Variants in UTRN observed in about 807,000 individuals in gnomAD.
The protein encoded by UTRN is utrophin.
Under a neutral mutation model 463.9 loss-of-function variants are expected in UTRN, and 283 were observed. The observed-to-expected ratio is 0.61, with a 90% confidence interval of 0.55 to 0.67. UTRN has a LOEUF of 0.67. UTRN is among the 30% of genes least tolerant of loss of function. The pLI, the probability that UTRN is intolerant of heterozygous loss-of-function variation, is 0.00. For synonymous variants in UTRN, 1,442 were observed against 1,431.5 expected (o/e 1.01, Z -0.17); for missense variants, 3,922 against 4,084.3 (o/e 0.96, Z 1.08).
chr6:144,627,464 T>C (rs1349026317), intron 51 of UTRN, among the ~76,000 whole-genome samples: 1 of 152,234 alleles, frequency 6.6e-6, no homozygotes, highest in South Asian at 2.1e-4. Flanking sequence ...TGGTGAAATA[T>C]ACAAAATATG....
rs1447291273 is a variant in UTRN at position 144,448,601 on chromosome 6, T to C, written c.1904T>C (p.Val635Ala). ...AATTTTGGATGGCTTTTATTTCAGGTGACTCAGGCTGTAGCAAAGCTGGGG... is the reference window on the plus strand; with the variant it reads ...AATTTTGGATGGCTTTTATTTCAGGCGACTCAGGCTGTAGCAAAGCTGGGG... ...VQRLEDSSNQ[V>A]TQAVAKLGMS... Residue 635 changes from valine to alanine, a missense_variant and splice_region_variant, in exon 17 of 75, where the codon GTG becomes GCG. Transcript: ENST00000367545. 6.2e-7 allele frequency: 1 copy of C among 1,611,840 alleles called. No individual in the cohort carries two copies. Among genetic ancestry groups the C allele is most frequent in the Non-Finnish European group, 8.5e-7 (1 of 1,179,040 alleles).
chr6:144,639,788 A>G (rs1035622059), intron 51 of UTRN, among the ~76,000 whole-genome samples: 1 of 151,950 alleles, frequency 6.6e-6, no homozygotes, highest in Non-Finnish European at 1.5e-5. Flanking sequence ...TGTCTGTGCC[A>G]TGTTGCTGTG....
intron 53 of UTRN, among the ~76,000 whole-genome samples, chr6:144,720,627 G>GTT (rs1787029842): frequency 2.6e-5 from 4 of 152,132 alleles, no homozygotes; most frequent in African/African-American, 9.7e-5. Flanking sequence ...GTATGTGGAA[G>GTT]GTACACAATC....
chr6:144,387,972 C>T (rs1781555417), intron 2 of UTRN, among the ~76,000 whole-genome samples: 1 of 152,194 alleles, frequency 6.6e-6, no homozygotes. Flanking sequence ...CTGACAAATT[C>T]TCTTCCTTTC....
In UTRN at chr6:144,490,238, G is replaced by T. The variant is rs79437890; in HGVS notation, c.4263+39G>T. 6.5e-4 allele frequency: 1,026 copies of T among 1,568,680 alleles called. 11 individuals are homozygous for T. The East Asian group carries it at 9.1e-3, about 14-fold the overall frequency. On this transcript the variant is annotated intron_variant, in intron 31 of 74. Coordinates refer to ENST00000367545, the MANE Select transcript of UTRN (RefSeq NM_007124.3). ...GGAGCTTCCTTTTACTTTTCAACTT[G>T]TTGGGAATTTTCTTCAAAAAAGAGA...
intron 60 of UTRN, among the ~76,000 whole-genome samples, chr6:144,780,417 AT>A (rs910945231): frequency 1.3e-5 from 2 of 152,056 alleles, no homozygotes; most frequent in African/African-American, 4.8e-5. Context: ...TTCTAGTCTA[AT>A]TTTTTTATGC....
chr6:144,384,911 G>C (rs1330584909), intron 2 of UTRN, among the ~76,000 whole-genome samples: 1 of 152,064 alleles, frequency 6.6e-6, no homozygotes, highest in African/African-American at 2.4e-5. Context: ...AGTTCTTCTG[G>C]TTATATCATT....
At chr6:144,570,867 A>G (rs1800875419) in intron 50 of UTRN, among the ~76,000 whole-genome samples, 1 of 152,220 alleles carries the variant, frequency 6.6e-6, no homozygotes, top group African/African-American at 2.4e-5. Flanking sequence ...TCTGTCATAT[A>G]AGAAGAATCA....
intron 34 of UTRN, among the ~76,000 whole-genome samples, chr6:144,510,390 C>T (rs1476308567): frequency 6.6e-6 from 1 of 152,158 alleles, no homozygotes; most frequent in Non-Finnish European, 1.5e-5. Context: ...TTGCTGCTCT[C>T]TTGTGAGTTA....
intron 1 of UTRN, among the ~76,000 whole-genome samples, chr6:144,287,726 C>G (rs1248820716): frequency 6.6e-6 from 1 of 152,062 alleles, no homozygotes; most frequent in Non-Finnish European, 1.5e-5. Flanking sequence ...GCTTGGTGGT[C>G]CATATGACAG....
chr6:144,760,081 A>G (rs1385970862), intron 58 of UTRN, among the ~76,000 whole-genome samples: 2 of 152,158 alleles, frequency 1.3e-5, no homozygotes, highest in African/African-American at 4.8e-5. Context: ...TTTAAAGTCC[A>G]TCCTTAATTT....
At chr6:144,386,952 A>G (rs1479349638) in intron 2 of UTRN, among the ~76,000 whole-genome samples, 2 of 152,158 alleles carry the variant, frequency 1.3e-5, no homozygotes, top group South Asian at 2.1e-4. Flanking sequence ...AATGCTATTT[A>G]TAGTAGTAGT....
Position 144,458,845 on chromosome 6 carries a change from T to C in UTRN, c.2360T>C (p.Leu787Ser). ...GAATGGAAGAATGTATCTCAACATT[T>C]GGAAGATCTAGAAAGAAAGATTCAG... ...SSEWKNVSQH[L>S]EDLERKIQLQ... The change falls in exon 20 of 75, where the codon TTG (leucine) becomes TCG (serine). Residue 787 changes from leucine (L) to serine (S), a missense_variant. Transcript: ENST00000367545. 1 of 1,613,446 alleles carries C rather than the reference T, an allele frequency of 6.2e-7. No homozygotes were observed. The highest frequency in any genetic ancestry group is 8.5e-7 in the Non-Finnish European group (1 of 1,179,872).
intron 53 of UTRN, among the ~76,000 whole-genome samples, chr6:144,715,143 T>A (rs532817230): frequency 6.6e-6 from 1 of 152,218 alleles, no homozygotes; most frequent in African/African-American, 2.4e-5. Flanking sequence ...ACAGTTAATA[T>A]GACCAAACTG....
At chr6:144,711,408 A>G (rs772065954) in intron 53 of UTRN, among the ~76,000 whole-genome samples, 2 of 152,170 alleles carry the variant, frequency 1.3e-5, no homozygotes, top group East Asian at 1.9e-4. Flanking sequence ...AATGACTTCA[A>G]TCGAATTTTT....
chr6:144,695,832 T>G (rs768504704), intron 52 of UTRN, among the ~76,000 whole-genome samples: 22 of 152,236 alleles, frequency 1.4e-4, no homozygotes, highest in Non-Finnish European at 2.6e-4. Flanking sequence ...GAATTGGAAA[T>G]ACACTAATAA....
chr6:144,309,975 T>A (rs1806101736), intron 2 of UTRN, among the ~76,000 whole-genome samples: 1 of 152,198 alleles, frequency 6.6e-6, no homozygotes, highest in Admixed American at 6.5e-5. Flanking sequence ...TGCCAGTCAA[T>A]TAAAATAGCA....
In UTRN at chr6:144,461,334, G is replaced by C; in HGVS notation, c.2845G>C (p.Glu949Gln). 1 of 1,558,086 alleles carries C rather than the reference G, an allele frequency of 6.4e-7. No homozygotes were observed. The stretch of plus-strand genomic sequence containing the variant: ...TGCCAAGGTGGAGAAGGCCCTGCAA[G>C]AAAAAAAGGTAACATATATCTTCCA... ...DLAKVEKALQEKKTLDEILEN... is the reference protein window; with the variant it reads ...DLAKVEKALQQKKTLDEILEN... The change falls in exon 22 of 75, where the codon GAA (glutamate) becomes CAA (glutamine). Residue 949 changes from glutamate (E) to glutamine (Q), a missense_variant. By Grantham distance (29) the Glu-to-Gln change is conservative (BLOSUM62 2). Around this residue, in one of 3 missense-constraint regions of UTRN, gnomAD observed 2,349 missense variants for 2,303.8 expected, o/e 1.02. Transcript: ENST00000367545.
intron 7 of UTRN, among the ~76,000 whole-genome samples, 188 bp from the exon 8 acceptor site, chr6:144,428,590 A>G (rs1405336492): frequency 6.6e-6 from 1 of 152,142 alleles, no homozygotes. Flanking sequence ...GGAAAGTATT[A>G]TCTGTTATTT....
Sources: gnomAD v4.1 joint callset for allele counts (sites outside exome capture counted in the v4.1 genomes callset) on GRCh38, gnomAD v4.1.1 for gene constraint, gnomAD v4.1.1 regional missense constraint, MANE v1.5 for transcripts, NCBI Gene and HGNC (gene_info 2026-07-23, HGNC 2026-07-21) for gene names.